Variants in RSRP1 observed in about 807,000 individuals in gnomAD.
RSRP1 encodes arginine/serine-rich protein 1.
RSRP1 carries 37 observed loss-of-function variants against 33.0 expected under a neutral mutation model. The ratio of observed to expected loss-of-function variants is 1.12; its 90% CI spans 0.86 to 1.48. The LOEUF is 1.48. RSRP1 is among the 40% of genes most tolerant of loss of function. RSRP1 has a pLI of 0.00. For missense variants in RSRP1, 402 were observed against 385.3 expected (o/e 1.04, Z -0.36); for synonymous variants, 167 against 158.7 (o/e 1.05, Z -0.40).
At chr1:25,260,277 G>A (rs1640091014) in intron 1 of RSRP1, among the ~76,000 whole-genome samples, 1 of 152,162 alleles carries the variant, frequency 6.6e-6, no homozygotes, top group Non-Finnish European at 1.5e-5. Flanking sequence ...AAATAAAAAT[G>A]AACAAGCCAA....
intron 3 of RSRP1, 55 bp from the exon 4 acceptor site, chr1:25,243,688 T>G: frequency 6.3e-7 from 1 of 1,595,750 alleles, no homozygotes; most frequent in South Asian, 1.1e-5. Context: ...GGTTTCTAAA[T>G]CCTATATTAA....
intron 1 of RSRP1, among the ~76,000 whole-genome samples, chr1:25,285,621 G>T (rs1335555109): frequency 7.4e-6 from 1 of 135,196 alleles, no homozygotes; most frequent in Non-Finnish European, 1.8e-5. Flanking sequence ...GGCAGGAGGT[G>T]GATATTGATT....
In RSRP1 at chr1:25,280,605, CTTTTTTTTTT is replaced by C. The variant is rs71014346; in HGVS notation, c.-66-33586_-66-33577del. On this transcript the variant is annotated intron_variant, in intron 1 of 1. Transcript: ENST00000561867. ...ACAGACATAAGCCACTGTGCCTGGC[CTTTTTTTTTT>C]TTTTTTTTTTGTAAACAGGGTCTCC... is the stretch of plus-strand genomic sequence containing the variant. 3.3e-5 allele frequency among the ~76,000 whole-genome samples: 2 copies of C among 60,736 alleles called. 1 individual carries two copies. The highest frequency in any genetic ancestry group is 8.1e-5 in the Non-Finnish European group (2 of 24,542). 39.8% of individuals were successfully genotyped at this position (60,736 alleles called of 152,430 possible). A position where few individuals can be genotyped will look rare whatever the true frequency, so the allele number is the denominator to read the frequency against.
chr1:25,315,198 T>A (rs560109704), intron 1 of RSRP1, among the ~76,000 whole-genome samples: 1 of 130,066 alleles, frequency 7.7e-6, no homozygotes, highest in Non-Finnish European at 1.8e-5. Context: ...GTCCCCCTGA[T>A]TTTTTTCCTA....
At chr1:25,330,867 C>A (rs144321520) in intron 1 of RSRP1, among the ~76,000 whole-genome samples, 6,212 of 128,454 alleles carry the variant, frequency 0.048, 1,106 homozygotes, top group African/African-American at 0.15. Context: ...CTGGTGAGAC[C>A]TCTCTCCCTG....
chr1:25,244,059 A>T (rs1248390730), intron 3 of RSRP1: 31 of 1,050,972 alleles, frequency 2.9e-5, no homozygotes, highest in Non-Finnish European at 3.4e-5. Flanking sequence ...TAGATACAGC[A>T]TTTTTTTTTT....
At chr1:25,267,417 C>T (rs1455570525) in intron 1 of RSRP1, among the ~76,000 whole-genome samples, 1 of 123,276 alleles carries the variant, frequency 8.1e-6, no homozygotes. Context: ...GCTGAGAAAC[C>T]CTGCCTTAAA....
intron 1 of RSRP1, among the ~76,000 whole-genome samples, chr1:25,332,185 C>A (rs1385186997): frequency 7.9e-6 from 1 of 127,042 alleles, no homozygotes; most frequent in Non-Finnish European, 1.9e-5. Flanking sequence ...CACAGGCACA[C>A]GCCACCACAC....
rs1335835928 is a variant in RSRP1, at chr1:25,268,514, TA to T, written c.-66-21486del. ...AGCCTGGGTGACAGAGTACTCCGTC[TA>T]AAAAAAAAACCTAAATACACAAGTA... is the stretch of plus-strand genomic sequence containing the variant. On this transcript the variant is annotated intron_variant, in intron 1 of 1. Transcript: ENST00000561867. 1.4e-4 allele frequency among the ~76,000 whole-genome samples: 17 copies of T among 123,960 alleles called. 1 individual carries two copies. Among genetic ancestry groups the T allele is most frequent in the East Asian group, 4.0e-4 (2 of 4,980 alleles). The allele number at this position is 123,960 out of a possible 152,430, so 81.3% of individuals were successfully genotyped here. A position where few individuals can be genotyped will look rare whatever the true frequency, so the allele number is the denominator to read the frequency against.
rs188936610 is a variant in RSRP1, at chr1:25,259,786, G to A, written c.-66-12757C>T. On this transcript the variant is annotated intron_variant, in intron 1 of 1. Coordinates refer to the RSRP1 transcript ENST00000561867. ...CCCAAAGTGCTGGGATTACAGGTGT[G>A]AGCCACCGTGCCCAGCCTATACTTC... 8.4e-3 allele frequency among the ~76,000 whole-genome samples: 1,273 copies of A among 152,174 alleles called. 26 individuals are homozygous for A. Among genetic ancestry groups the A allele is most frequent in the African/African-American group, 0.029 (1,195 of 41,530 alleles).
chr1:25,259,468 A>G (rs1490211141), intron 1 of RSRP1, among the ~76,000 whole-genome samples: 2 of 151,892 alleles, frequency 1.3e-5, no homozygotes, highest in Non-Finnish European at 2.9e-5. Flanking sequence ...TGCTTCATAG[A>G]AACTTAATTA....
chr1:25,321,419 G>C, intron 1 of RSRP1, among the ~76,000 whole-genome samples: 1 of 122,118 alleles, frequency 8.2e-6, no homozygotes, highest in Non-Finnish European at 1.9e-5. Flanking sequence ...CTAGCACTTT[G>C]GAAGGCTGAG....
upstream of RSRP1, among the ~76,000 whole-genome samples, chr1:25,249,951 T>C (rs1189319940): frequency 1.3e-5 from 2 of 152,150 alleles, no homozygotes; most frequent in African/African-American, 2.4e-5. Flanking sequence ...CCAAGCGAGA[T>C]AGAGAAACGC....
At chr1:25,329,233 C>CTTT in intron 1 of RSRP1, 1 of 434,404 alleles carries the variant, frequency 2.3e-6, no homozygotes, top group Non-Finnish European at 4.1e-6. Flanking sequence ...TATTATTATT[C>CTTT]CTTGTTTTTT....
rs1347307159 is a variant in RSRP1, at chr1:25,315,490, T to C, written c.-67+22488A>G. 3.3e-5 allele frequency among the ~76,000 whole-genome samples: 4 copies of C among 123,036 alleles called. 1 individual carries two copies. The highest frequency in any genetic ancestry group is 5.6e-5 in the Non-Finnish European group (3 of 53,892). The allele number at this position is 123,036 out of a possible 152,430, so 80.7% of individuals were successfully genotyped here. On this transcript the variant is annotated intron_variant, in intron 1 of 1. Coordinates refer to the RSRP1 transcript ENST00000561867. Reference sequence around the variant, plus strand: ...TTTTATCTTTTTAATTTATTTTTCTTTTCTTTCTTTCTTTTTTTTTTTTTG... The same window carrying C: ...TTTTATCTTTTTAATTTATTTTTCTCTTCTTTCTTTCTTTTTTTTTTTTTG...
chr1:25,311,414 A>T (rs1644140437), intron 1 of RSRP1, among the ~76,000 whole-genome samples: 1 of 130,810 alleles, frequency 7.6e-6, no homozygotes, highest in African/African-American at 2.6e-5. Flanking sequence ...ATTCCCAGCT[A>T]CCTGGGAGGC....
intron 2 of RSRP1, among the ~76,000 whole-genome samples, chr1:25,245,578 C>G (rs1476297989): frequency 6.6e-6 from 1 of 152,124 alleles, no homozygotes; most frequent in Non-Finnish European, 1.5e-5. Context: ...CCATATGCAT[C>G]CTGGCACCAA....
At chr1:25,276,952 A>G (rs1571575558) in intron 1 of RSRP1, among the ~76,000 whole-genome samples, 1 of 131,182 alleles carries the variant, frequency 7.6e-6, no homozygotes, top group Non-Finnish European at 1.8e-5. Context: ...CTGTAGTCCC[A>G]GCTACTTGGG....
At chr1:25,316,243 G>A (rs1471387315) in intron 1 of RSRP1, among the ~76,000 whole-genome samples, 1 of 129,644 alleles carries the variant, frequency 7.7e-6, no homozygotes, top group African/African-American at 2.7e-5. Context: ...GATGGGCAGG[G>A]GAGATGGGTC....
Sources: allele counts gnomAD v4.1 joint callset (sites outside exome capture counted in the v4.1 genomes callset), GRCh38; gene constraint gnomAD v4.1.1; transcripts MANE v1.5; gene names NCBI Gene and HGNC (gene_info 2026-07-23, HGNC 2026-07-21).